Variants in LIMS1 observed in about 807,000 individuals in gnomAD.
LIMS1 encodes LIM zinc finger domain containing 1.
LIMS1 carries 18 observed loss-of-function variants against 44.1 expected under a neutral mutation model. The ratio of observed to expected loss-of-function variants is 0.41; its 90% CI spans 0.28 to 0.61. The LOEUF is 0.61. Ranked by LOEUF, LIMS1 falls within the 20% of genes least tolerant of loss-of-function variation. LIMS1 has a pLI of 0.32. For synonymous variants in LIMS1, 93 were observed against 149.1 expected (o/e 0.62, Z 2.74); for missense variants, 201 against 422.0 (o/e 0.48, Z 4.59).
chr2:108,602,702 G>A (rs1377774556), intron 1 of LIMS1, among the ~76,000 whole-genome samples: 1 of 152,140 alleles, frequency 6.6e-6, no homozygotes, highest in Non-Finnish European at 1.5e-5. Flanking sequence ...ATTCTGTTTT[G>A]TAGTATTTTG....
At chr2:108,619,423 C>G (rs1688113969) in intron 1 of LIMS1, among the ~76,000 whole-genome samples, 1 of 151,740 alleles carries the variant, frequency 6.6e-6, no homozygotes, top group African/African-American at 2.4e-5. Context: ...GTGGCACACG[C>G]CTGTAATCCC....
intron 1 of LIMS1, among the ~76,000 whole-genome samples, chr2:108,576,228 A>T (rs191011689): frequency 3.7e-3 from 566 of 152,328 alleles, no homozygotes; most frequent in Non-Finnish European, 6.1e-3. Context: ...AGAACTTGTC[A>T]TACTGGGTCA....
At chr2:108,621,385 C>T (rs1459418183) in intron 1 of LIMS1, 1 of 1,550,178 alleles carries the variant, frequency 6.5e-7, no homozygotes, top group Non-Finnish European at 8.7e-7. Context: ...AGAGCTTTCA[C>T]ATTCAGGTCT....
At chr2:108,549,075 G>A (rs530572387) in intron 1 of LIMS1, among the ~76,000 whole-genome samples, 2 of 152,196 alleles carry the variant, frequency 1.3e-5, no homozygotes, top group South Asian at 4.1e-4. Flanking sequence ...TCATGGGACA[G>A]TGCATTGCAT....
chr2:108,582,940 T>G (rs905670214), intron 1 of LIMS1, among the ~76,000 whole-genome samples: 1 of 152,106 alleles, frequency 6.6e-6, no homozygotes, highest in African/African-American at 2.4e-5. Flanking sequence ...CCTATGAACA[T>G]TTTGCCCTTA....
In LIMS1 at chr2:108,587,290, T is replaced by TTGTGTGTG. The variant is rs58815332; in HGVS notation, c.32+52740_32+52747dup. ...AAGTGATGAGTTGTTTTCTTGGGGT[T>TTGTGTGTG]TGTGTGTGTGTGTGTGTGTGTGTGT... is the stretch of plus-strand genomic sequence containing the variant. On this transcript the variant is annotated intron_variant, in intron 1 of 9. Transcript: ENST00000544547. 5.8e-3 allele frequency among the ~76,000 whole-genome samples: 620 copies of TTGTGTGTG among 106,020 alleles called. 3 individuals are homozygous for TTGTGTGTG. Among genetic ancestry groups the TTGTGTGTG allele is most frequent in the African/African-American group, 0.013 (418 of 33,266 alleles). 69.6% of individuals were successfully genotyped at this position (106,020 alleles called of 152,430 possible).
exon 10 of LIMS1, chr2:108,687,139 A>T (rs1287321877): frequency 6.6e-6 from 1 of 152,190 alleles, no homozygotes; most frequent in African/African-American, 2.4e-5. Context: ...TTCGTTTTAG[A>T]TTGTAAGCTC....
chr2:108,587,078 G>C (rs1686136857), intron 1 of LIMS1, among the ~76,000 whole-genome samples: 2 of 152,212 alleles, frequency 1.3e-5, no homozygotes, highest in African/African-American at 4.8e-5. Context: ...TCCCCCAGGA[G>C]TGCTGGGCAG....
At chr2:108,681,609 T>A (rs1692999613) in intron 9 of LIMS1, 1 of 961,786 alleles carries the variant, frequency 1.0e-6, no homozygotes, top group Non-Finnish European at 1.2e-6. Flanking sequence ...ATGCATATAT[T>A]CTAAGTTATG....
At chr2:108,551,126 C>G (rs1684675555) in intron 1 of LIMS1, among the ~76,000 whole-genome samples, 1 of 151,854 alleles carries the variant, frequency 6.6e-6, no homozygotes, top group Non-Finnish European at 1.5e-5. Flanking sequence ...GAGCCTACCT[C>G]AAGAAACAAA....
At chr2:108,535,491 T>A (rs970912882) in intron 1 of LIMS1, among the ~76,000 whole-genome samples, 1 of 152,214 alleles carries the variant, frequency 6.6e-6, no homozygotes, top group African/African-American at 2.4e-5. Context: ...TAAAATTCCT[T>A]GGTCTGTCTT....
chr2:108,546,269 C>CTTTTTTTTTT (rs35959257), intron 1 of LIMS1, among the ~76,000 whole-genome samples: 46 of 90,884 alleles, frequency 5.1e-4, no homozygotes, highest in African/African-American at 1.9e-3. Context: ...AGGCTACCGC[C>CTTTTTTTTTT]TTTTTTTTTT....
intron 1 of LIMS1, among the ~76,000 whole-genome samples, chr2:108,577,893 T>C (rs1685729237): frequency 6.6e-6 from 1 of 152,144 alleles, no homozygotes; most frequent in Admixed American, 6.5e-5. Context: ...TCTGAGATTG[T>C]ATGTTTTGTT....
intron 1 of LIMS1, among the ~76,000 whole-genome samples, chr2:108,564,876 A>G (rs961990210): frequency 5.9e-5 from 9 of 151,954 alleles, no homozygotes; most frequent in African/African-American, 1.9e-4. Context: ...GAACTTGTCT[A>G]TTATAAACGT....
In LIMS1 at chr2:108,580,267, C is replaced by T. The variant is rs547858983; in HGVS notation, c.32+45673C>T. Among the ~76,000 whole-genome samples the T allele has an allele frequency of 2.2e-3, 329 of 152,266 alleles. 10 individuals carry two copies. The South Asian group carries it at 0.065, about 30-fold the overall frequency. Reference sequence around the variant, plus strand: ...CTTCCTCTAACTGCAGGGTGTTAGTCTCTACTCAGATTTCTAGTCTTTGAG... The same window carrying T: ...CTTCCTCTAACTGCAGGGTGTTAGTTTCTACTCAGATTTCTAGTCTTTGAG... On this transcript the variant is annotated intron_variant, in intron 1 of 9. Coordinates refer to ENST00000544547, the Ensembl canonical transcript of LIMS1.
chr2:108,609,371 C>A (rs919697074), intron 1 of LIMS1, among the ~76,000 whole-genome samples: 2 of 152,132 alleles, frequency 1.3e-5, no homozygotes, highest in Non-Finnish European at 2.9e-5. Context: ...CCCCTCCCCA[C>A]CCGGAATTCT....
intron 1 of LIMS1, among the ~76,000 whole-genome samples, chr2:108,618,841 A>C (rs953454942): frequency 3.9e-5 from 6 of 151,908 alleles, no homozygotes; most frequent in Non-Finnish European, 7.4e-5. Flanking sequence ...AAAAAAAAAA[A>C]AAAGATCCTG....
intron 1 of LIMS1, among the ~76,000 whole-genome samples, chr2:108,545,762 CCT>C (rs1684462184): frequency 6.6e-6 from 1 of 152,140 alleles, no homozygotes; most frequent in Non-Finnish European, 1.5e-5. Context: ...TTCAGATGCA[CCT>C]CTTTCATAAT....
chr2:108,546,132 C>CAA (rs1477116818), intron 1 of LIMS1, among the ~76,000 whole-genome samples: 2 of 152,128 alleles, frequency 1.3e-5, no homozygotes, highest in Admixed American at 6.5e-5. Context: ...ATCTGTGCTC[C>CAA]AAAAGTACAT....
Sources: gnomAD v4.1 joint callset for allele counts (sites outside exome capture counted in the v4.1 genomes callset) on GRCh38, gnomAD v4.1.1 for gene constraint, MANE v1.5 for transcripts, NCBI Gene and HGNC (gene_info 2026-07-23, HGNC 2026-07-21) for gene names.